LYST: variants seen among roughly 807,000 people sequenced by gnomAD.
LYST encodes the protein lysosomal trafficking regulator, also known as lysosomal-trafficking regulator.
LYST carries 192 observed loss-of-function variants against 413.6 expected under a neutral mutation model. The ratio of observed to expected loss-of-function variants is 0.46; its 90% CI spans 0.41 to 0.52. The LOEUF is 0.52. Ranked by LOEUF, LYST falls within the 20% of genes least tolerant of loss-of-function variation. LYST has a pLI of 0.00. For synonymous variants in LYST, 1,525 were observed against 1,567.3 expected (o/e 0.97, Z 0.64); for missense variants, 3,815 against 4,499.9 (o/e 0.85, Z 4.35).
chr1:235,805,319 T>C (rs539140193), intron 6 of LYST, among the ~76,000 whole-genome samples: 2 of 152,230 alleles, frequency 1.3e-5, no homozygotes, highest in Non-Finnish European at 2.9e-5. Context: ...CCCCACTTCT[T>C]AGAGCCACAT....
rs1354198933 is a variant in LYST, at chr1:235,805,819, A to C, written c.3317T>G (p.Leu1106Trp). 6 of 1,613,656 alleles carry C rather than the reference A, an allele frequency of 3.7e-6. No individual in the cohort carries two copies. Among genetic ancestry groups the C allele is most frequent in the Non-Finnish European group, 5.1e-6 (6 of 1,179,836 alleles). Residue 1106 changes from leucine to tryptophan, a missense_variant, in exon 6 of 53, where the codon TTG becomes TGG. Physicochemically the swap from Leu to Trp is moderately conservative, Grantham distance 61. Around this residue, in one of 4 missense-constraint regions of LYST, gnomAD observed 1,648 missense variants for 1,810.3 expected, o/e 0.91. Coordinates refer to ENST00000389793, the MANE Select transcript of LYST (RefSeq NM_000081.4). ...SETSLQSIRL[L>W]EALLAICLHG... Reference sequence around the variant, plus strand: ...AAGACAAATGGCCAGAAGGGCTTCCAAAAGTCGTATACTTTGAAGTGAGGT... The same window carrying C: ...AAGACAAATGGCCAGAAGGGCTTCCCAAAGTCGTATACTTTGAAGTGAGGT...
intron 48 of LYST, among the ~76,000 whole-genome samples, chr1:235,680,710 T>G (rs1659746026): frequency 6.6e-6 from 1 of 152,106 alleles, no homozygotes; most frequent in Admixed American, 6.5e-5. Context: ...GTGATTCTCC[T>G]GCCTCAGCTT....
At chr1:235,724,641 T>C (rs923937241) in intron 38 of LYST, among the ~76,000 whole-genome samples, 2 of 146,150 alleles carry the variant, frequency 1.4e-5, no homozygotes, top group Non-Finnish European at 1.5e-5. Flanking sequence ...AATAGTTTTA[T>C]TGCCCCAAAA....
chr1:235,838,706 C>T (rs956216304), intron 1 of LYST, among the ~76,000 whole-genome samples: 2 of 152,170 alleles, frequency 1.3e-5, no homozygotes, highest in Non-Finnish European at 2.9e-5. Flanking sequence ...CAAATGTTCT[C>T]AGAATCTGAC....
rs1047455080 is a variant in LYST, at chr1:235,755,479, C to T, written c.7228G>A (p.Glu2410Lys). ...FFGRHIGLDEEFDLEDVRNMG... is the reference protein window; with the variant it reads ...FFGRHIGLDEKFDLEDVRNMG... ...TAGTGGAGGGAAGAACACACTTACT[C>T]TTCATCAAGGCCAATATGTCGACCA... The change falls in exon 25 of 53, where the codon GAA (glutamate) becomes AAA (lysine). Residue 2410 changes from glutamate to lysine, a missense_variant and splice_region_variant. This residue lies in a region of LYST where 771 missense variants were observed against 837.1 expected (regional missense o/e 0.92). Transcript: ENST00000389793. 1 of 1,611,002 alleles carries T rather than the reference C, an allele frequency of 6.2e-7. No individual in the cohort carries two copies. The highest frequency in any genetic ancestry group is 8.5e-7 in the Non-Finnish European group (1 of 1,177,660).
chr1:235,790,142 C>T (rs913920738), intron 12 of LYST, among the ~76,000 whole-genome samples: 16 of 151,930 alleles, frequency 1.1e-4, no homozygotes, highest in African/African-American at 3.9e-4. Context: ...AAAAACTTTC[C>T]AATATTTACT....
intron 1 of LYST, among the ~76,000 whole-genome samples, chr1:235,850,449 T>A (rs1678392485): frequency 6.6e-6 from 1 of 152,160 alleles, no homozygotes; most frequent in Admixed American, 6.6e-5. Flanking sequence ...GGAAAAACCT[T>A]TCTAGACATT....
chr1:235,666,607 T>TACACACACACACACACACACACACACAC (rs10635511), intron 50 of LYST, among the ~76,000 whole-genome samples: 3 of 141,350 alleles, frequency 2.1e-5, no homozygotes, highest in African/African-American at 5.1e-5. Context: ...CACACACACA[T>TACACACACACACACACACACACACACAC]ACACACACAC....
intron 39 of LYST, among the ~76,000 whole-genome samples, chr1:235,722,086 A>C (rs529293155): frequency 6.6e-6 from 1 of 152,334 alleles, no homozygotes; most frequent in South Asian, 2.1e-4. Context: ...TAGGATTTCT[A>C]AGGAGAAAAA....
chr1:235,834,251 A>G (rs1676295664), intron 1 of LYST, among the ~76,000 whole-genome samples: 1 of 152,210 alleles, frequency 6.6e-6, no homozygotes, highest in Admixed American at 6.5e-5. Context: ...CTGGGATAGC[A>G]ACAGGATATT....
chr1:235,879,662 C>A (rs1681288430), intron 1 of LYST, among the ~76,000 whole-genome samples: 1 of 152,216 alleles, frequency 6.6e-6, no homozygotes, highest in African/African-American at 2.4e-5. Flanking sequence ...CAGGCTGTTT[C>A]TGAGCATTCT....
intron 20 of LYST, among the ~76,000 whole-genome samples, chr1:235,769,389 T>G (rs1306918332): frequency 6.6e-6 from 1 of 152,058 alleles, no homozygotes; most frequent in Non-Finnish European, 1.5e-5. Context: ...ATATTAACAC[T>G]TCTTACAGAT....
At chr1:235,731,793 A>G (rs1664404020) in intron 34 of LYST, among the ~76,000 whole-genome samples, 1 of 152,058 alleles carries the variant, frequency 6.6e-6, no homozygotes, top group Non-Finnish European at 1.5e-5. Flanking sequence ...CCTAGCCTCA[A>G]GTGATCCACC....
At chr1:235,755,376 G>A (rs1235530100) in intron 25 of LYST, 102 bp downstream of exon 25, 6 of 1,096,722 alleles carry the variant, frequency 5.5e-6, no homozygotes, top group East Asian at 5.1e-5. Flanking sequence ...GCAACAGGGC[G>A]AGACTCCGTC....
rs535071605 is a variant in LYST at position 235,663,836 on chromosome 1, C to G, written c.11267+148G>C. On this transcript the variant is annotated intron_variant, in intron 52 of 52. Transcript: ENST00000389793. The stretch of plus-strand genomic sequence containing the variant: ...AGTGTGGTCTCTCTTGCTGCTGGGT[C>G]ACGGACAACCCGCTGTGTGTTAAGT... The G allele has an allele frequency of 4.3e-6, 3 of 705,372 alleles. No individual in the cohort carries two copies. In the East Asian group the frequency reaches 7.6e-5, roughly 18 times the overall value. The allele number at this position is 705,372 out of a possible 1,614,324, so 43.7% of individuals were successfully genotyped here.
At chr1:235,748,490 T>C (rs1666139493) in intron 28 of LYST, among the ~76,000 whole-genome samples, 1 of 152,172 alleles carries the variant, frequency 6.6e-6, no homozygotes. Context: ...TTATGTTTCT[T>C]AATATGGAAA....
intron 31 of LYST, chr1:235,736,816 T>C (rs930633926): frequency 6.6e-6 from 1 of 150,750 alleles, no homozygotes; most frequent in Non-Finnish European, 1.5e-5. Context: ...TGTAAATACA[T>C]GTATACATAG....
chr1:235,666,359 A>G (rs537059603), intron 50 of LYST, among the ~76,000 whole-genome samples: 2 of 151,872 alleles, frequency 1.3e-5, no homozygotes, highest in East Asian at 2.0e-4. Flanking sequence ...GCCAGACACA[A>G]ACAGACAGGT....
chr1:235,781,788 A>T, intron 15 of LYST, 139 bp downstream of exon 15: 1 of 668,266 alleles, frequency 1.5e-6, no homozygotes. Flanking sequence ...AAAGGAACAT[A>T]GATGGATATT....
Sources: gnomAD v4.1 joint callset for allele counts (sites outside exome capture counted in the v4.1 genomes callset) on GRCh38, gnomAD v4.1.1 for gene constraint, gnomAD v4.1.1 regional missense constraint, MANE v1.5 for transcripts, NCBI Gene and HGNC (gene_info 2026-07-23, HGNC 2026-07-21) for gene names.